ADGRG6: variants seen among roughly 807,000 people sequenced by gnomAD.
ADGRG6 encodes adhesion G protein-coupled receptor G6.
ADGRG6 carries 84 observed loss-of-function variants against 142.4 expected under a neutral mutation model. The ratio of observed to expected loss-of-function variants is 0.59; its 90% CI spans 0.49 to 0.71. ADGRG6 has a LOEUF of 0.71. Ranked by LOEUF, ADGRG6 falls within the 30% of genes least tolerant of loss-of-function variation. ADGRG6 has a pLI of 0.00. For missense variants in ADGRG6, 1,367 were observed against 1,466.6 expected, an observed-to-expected ratio of 0.93 and a Z score of 1.11; for synonymous variants, 521 against 520.5, an observed-to-expected ratio of 1.00 and a Z score of -0.01.
intron 22 of ADGRG6, among the ~76,000 whole-genome samples, chr6:142,423,294 T>G (rs1378822433): frequency 8.8e-5 from 13 of 147,072 alleles, no homozygotes; most frequent in African/African-American, 3.0e-4. Context: ...TTTTTATGGT[T>G]TTAGGTCTAA....
chr6:142,400,039 C>T (rs1045368489), intron 10 of ADGRG6, among the ~76,000 whole-genome samples: 2 of 152,120 alleles, frequency 1.3e-5, no homozygotes, highest in African/African-American at 4.8e-5. Flanking sequence ...GGAACATTTT[C>T]TATAAAATAG....
At chr6:142,410,629 T>G (rs1198955479) in intron 17 of ADGRG6, among the ~76,000 whole-genome samples, 2 of 152,096 alleles carry the variant, frequency 1.3e-5, no homozygotes, top group African/African-American at 4.8e-5. Flanking sequence ...AAAAACTTCT[T>G]TTTTTGATAG....
At chr6:142,309,994 T>C (rs1777686254) in intron 2 of ADGRG6, among the ~76,000 whole-genome samples, 1 of 151,896 alleles carries the variant, frequency 6.6e-6, no homozygotes, top group Non-Finnish European at 1.5e-5. Context: ...ATACAGTACT[T>C]CTCTTTTCAA....
Position 142,402,127 on chromosome 6 carries a change from T to C in ADGRG6, c.1744+69T>C, listed in dbSNP as rs146103695. Reference sequence around the variant, plus strand: ...TGACTTCATGCTTCATGATTTTCATTGTCTTCGAGAATATTCTTCTGCTCT... The same window carrying C: ...TGACTTCATGCTTCATGATTTTCATCGTCTTCGAGAATATTCTTCTGCTCT... On this transcript the variant is annotated intron_variant, in intron 12 of 24. Transcript: ENST00000367609. 3.5e-5 allele frequency: 26 copies of C among 741,206 alleles called. No homozygotes were observed. The East Asian group carries it at 7.0e-4, about 20-fold the overall frequency. 45.9% of individuals were successfully genotyped at this position (741,206 alleles called of 1,614,324 possible).
intron 2 of ADGRG6, among the ~76,000 whole-genome samples, chr6:142,354,396 C>G (rs542488585): frequency 1.6e-4 from 25 of 152,150 alleles, no homozygotes; most frequent in South Asian, 1.2e-3. Flanking sequence ...AACAAACAAA[C>G]AAACAAACAA....
rs138101444 is a variant in ADGRG6 at position 142,372,322 on chromosome 6, GAGA to G, written c.1069+1535_1069+1537del. On this transcript the variant is annotated intron_variant, in intron 4 of 24. Transcript: ENST00000367609. The stretch of plus-strand genomic sequence containing the variant: ...ACAGACATAACTCTCAATTAAAAAG[GAGA>G]AGAAGGAGCCTAGTATTCAAAAGTA... Among the ~76,000 whole-genome samples the G allele has an allele frequency of 2.9e-3, 436 of 152,298 alleles. 4 individuals are homozygous for G. Among genetic ancestry groups the G allele is most frequent in the African/African-American group, 0.01 (416 of 41,580 alleles).
At chr6:142,415,127 T>A (rs915560500) in intron 19 of ADGRG6, 31 bp downstream of exon 19, 4 of 1,581,578 alleles carry the variant, frequency 2.5e-6, no homozygotes, top group Non-Finnish European at 3.4e-6. Flanking sequence ...CCAAACCCAT[T>A]GCTAACTGTT....
rs79338350 is a variant in ADGRG6, at chr6:142,437,894, A to T, written c.3422-318A>T. 1.7e-4 allele frequency: 13 copies of T among 77,288 alleles called. No homozygotes were observed. The South Asian group carries it at 3.6e-3, about 22-fold the overall frequency. The allele number at this position is 77,288 out of a possible 1,614,324, so 4.8% of individuals were successfully genotyped here. On this transcript the variant is annotated intron_variant, in intron 23 of 24. Coordinates refer to ENST00000367609, the MANE Select transcript of ADGRG6 (RefSeq NM_198569.3). The stretch of plus-strand genomic sequence containing the variant: ...AAGCAAAGAGATTTTTCTCAGTATT[A>T]AAAAAAAAAAAAAAACTGAAAAAAC...
intron 2 of ADGRG6, among the ~76,000 whole-genome samples, chr6:142,312,430 G>C (rs1387254826): frequency 6.6e-6 from 1 of 152,040 alleles, no homozygotes; most frequent in Non-Finnish European, 1.5e-5. Context: ...GTCTTGACAA[G>C]TGATGATTAT....
chr6:142,302,631 G>C, intron 1 of ADGRG6: 1 of 416,478 alleles, frequency 2.4e-6, no homozygotes, highest in African/African-American at 2.0e-5. Context: ...TGGGGAAAAC[G>C]TGTTTTCAAT....
At chr6:142,406,448 G>A (rs1434098437) in intron 15 of ADGRG6, among the ~76,000 whole-genome samples, 3 of 151,992 alleles carry the variant, frequency 2.0e-5, no homozygotes, top group Admixed American at 2.0e-4. Flanking sequence ...AGGTTCGCTG[G>A]GCCCTTTTTA....
chr6:142,428,546 G>A (rs991890095), intron 22 of ADGRG6, among the ~76,000 whole-genome samples: 12 of 152,082 alleles, frequency 7.9e-5, no homozygotes, highest in Non-Finnish European at 1.3e-4. Context: ...AAGGGAAGAG[G>A]TTTAATTGAC....
intron 2 of ADGRG6, among the ~76,000 whole-genome samples, chr6:142,315,734 G>A (rs891398774): frequency 6.6e-6 from 1 of 152,008 alleles, no homozygotes; most frequent in Non-Finnish European, 1.5e-5. Context: ...GGGAGGCTGA[G>A]GCAGGAGAAT....
intron 14 of ADGRG6, 199 bp downstream of exon 14, chr6:142,404,172 CA>C: frequency 1.8e-6 from 1 of 546,260 alleles, no homozygotes; most frequent in Non-Finnish European, 3.2e-6. Flanking sequence ...ATCTGGGTGA[CA>C]GGGGTGGTCA....
At chr6:142,335,547 G>A (rs1779270458) in intron 2 of ADGRG6, among the ~76,000 whole-genome samples, 1 of 152,142 alleles carries the variant, frequency 6.6e-6, no homozygotes, top group Non-Finnish European at 1.5e-5. Context: ...GCATCAGTGG[G>A]AAAGGAGGTT....
chr6:142,326,392 C>T (rs773131337), intron 2 of ADGRG6, among the ~76,000 whole-genome samples: 1 of 151,718 alleles, frequency 6.6e-6, no homozygotes, highest in East Asian at 1.9e-4. Flanking sequence ...TTTCAAAACT[C>T]CCATACAAAA....
intron 2 of ADGRG6, among the ~76,000 whole-genome samples, chr6:142,318,070 AT>A (rs1381248303): frequency 1.7e-5 from 1 of 57,480 alleles, no homozygotes; most frequent in African/African-American, 7.8e-5. Flanking sequence ...TATTATATAT[AT>A]TTATATATTA....
Position 142,419,984 on chromosome 6 carries a change from C to G in ADGRG6, c.3199C>G (p.Leu1067Val), listed in dbSNP as rs905366167. 1 of 1,613,530 alleles carries G rather than the reference C, an allele frequency of 6.2e-7. No individual in the cohort carries two copies. The change falls in exon 22 of 25, where the codon CTG becomes GTG. Residue 1067 changes from leucine (L) to valine (V), a missense_variant. Coordinates refer to ENST00000367609, the MANE Select transcript of ADGRG6 (RefSeq NM_198569.3). ...CCTGAGAGAAGAAGTGTTAAGGAAC[C>G]TGCGCAGTGTGGTTAGCTTGACCTT... is the stretch of plus-strand genomic sequence containing the variant. ...RTLREEVLRN[L>V]RSVVSLTFLL...
At chr6:142,420,503 C>T (rs1234038176) in intron 22 of ADGRG6, among the ~76,000 whole-genome samples, 1 of 152,126 alleles carries the variant, frequency 6.6e-6, no homozygotes, top group East Asian at 1.9e-4. Context: ...ATCCTGTCCC[C>T]TGAAGATTTA....
Sources: gnomAD v4.1 joint callset for allele counts (sites outside exome capture counted in the v4.1 genomes callset) on GRCh38, gnomAD v4.1.1 for gene constraint, MANE v1.5 for transcripts, NCBI Gene and HGNC (gene_info 2026-07-23, HGNC 2026-07-21) for gene names.